The following SLC24A4 variants were observed in gnomAD, a reference collection of about 807,000 sequenced individuals.
SLC24A4 encodes the protein solute carrier family 24 member 4, also known as sodium/potassium/calcium exchanger 4.
In SLC24A4, 53 loss-of-function variants were observed where a neutral mutation model predicts 79.0. That is an observed-to-expected ratio of 0.67 (90% CI 0.54 to 0.84). SLC24A4 has a LOEUF of 0.84. Among genes scored for constraint, SLC24A4 ranks in the 40% least tolerant of loss-of-function variants. SLC24A4 has a pLI of 0.00. For synonymous variants in SLC24A4, 323 were observed against 323.8 expected, an observed-to-expected ratio of 1.00 and a Z score of 0.03; for missense variants, 731 against 822.0, an observed-to-expected ratio of 0.89 and a Z score of 1.35.
chr14:92,447,401 T>A lies in SLC24A4; in HGVS notation c.714T>A (p.Tyr238Ter). ...AAGGCCTGGTGCTCATCATCTTGTA[T>A]GTGTTTTATATTCTGATCATGAAGT... is the stretch of plus-strand genomic sequence containing the variant. The part of the protein sequence containing the change: ...WWEGLVLIIL[Y>*]VFYILIMKYN... The change falls in exon 9 of 17, where the codon TAT becomes TAA. Residue 238 changes from tyrosine to a stop codon, truncating the protein, a stop_gained. Transcript: ENST00000532405. LOFTEE classifies it high-confidence loss of function. 1 of 1,614,168 alleles carries A rather than the reference T, an allele frequency of 6.2e-7. No individual in the cohort carries two copies. The highest frequency in any genetic ancestry group is 8.5e-7 in the Non-Finnish European group (1 of 1,180,020).
intron 13 of SLC24A4, among the ~76,000 whole-genome samples, 199 bp downstream of exon 13, chr14:92,483,045 G>A (rs570695149): frequency 6.6e-6 from 1 of 152,274 alleles, no homozygotes; most frequent in African/African-American, 2.4e-5. Context: ...CAGAGACACA[G>A]CACAGTGCCT....
At chr14:92,395,066 C>T (rs960402678) in intron 2 of SLC24A4, among the ~76,000 whole-genome samples, 8 of 152,224 alleles carry the variant, frequency 5.3e-5, no homozygotes, top group African/African-American at 1.9e-4. Flanking sequence ...AGGAAAGGGT[C>T]GGAGTGGCCT....
At chr14:92,369,578 G>A (rs1157193867) in intron 2 of SLC24A4, among the ~76,000 whole-genome samples, 2 of 152,192 alleles carry the variant, frequency 1.3e-5, no homozygotes, top group East Asian at 3.8e-4. Context: ...AATAATTGGA[G>A]AAATCTTAAT....
chr14:92,380,681 G>T (rs1888794117), intron 2 of SLC24A4, among the ~76,000 whole-genome samples: 1 of 152,256 alleles, frequency 6.6e-6, no homozygotes, highest in African/African-American at 2.4e-5. Context: ...CTCCCGCCCA[G>T]GGTCACACAA....
At chr14:92,326,038 G>T in intron 2 of SLC24A4, 60 bp downstream of exon 2, 2 of 1,219,014 alleles carry the variant, frequency 1.6e-6, no homozygotes, top group South Asian at 1.3e-5. Flanking sequence ...CCTGGAGATG[G>T]CGCTTATGTG....
chr14:92,425,326 A>G (rs12432913), intron 2 of SLC24A4, among the ~76,000 whole-genome samples: 16,419 of 152,270 alleles, frequency 0.11, 933 homozygotes, highest in African/African-American at 0.14. Context: ...TTATTTCCAA[A>G]TAAGGTCAAT....
At chr14:92,399,712 C>T (rs928899000) in intron 2 of SLC24A4, among the ~76,000 whole-genome samples, 14 of 152,168 alleles carry the variant, frequency 9.2e-5, no homozygotes, top group South Asian at 4.1e-4. Context: ...TGGTAACCAG[C>T]GCATTGTCCC....
Position 92,323,668 on chromosome 14 carries a change from C to A in SLC24A4, c.-163C>A. On this transcript the variant is annotated 5_prime_UTR_variant, in exon 1 of 17. Transcript: ENST00000532405. The surrounding 1 kb of genome is among the most constrained non-coding windows in gnomAD (Gnocchi z 4.9). ...CGCGTCCCCACCTTCCCAAGGGGCT[C>A]CCCCGCCGACCTCGCCCTCGGGCCA... 1.2e-6 allele frequency: 1 copy of A among 847,382 alleles called. No homozygotes were observed. Among genetic ancestry groups the A allele is most frequent in the Non-Finnish European group, 1.7e-6 (1 of 590,072 alleles). The allele number at this position is 847,382 out of a possible 1,614,324, so 52.5% of individuals were successfully genotyped here.
chr14:92,332,085 C>T (rs1428948395), intron 2 of SLC24A4, among the ~76,000 whole-genome samples: 1 of 151,866 alleles, frequency 6.6e-6, no homozygotes, highest in Non-Finnish European at 1.5e-5. Context: ...TCGAGAACAG[C>T]CTGGCCAACA....
chr14:92,455,281 G>C (rs939397844), intron 11 of SLC24A4, among the ~76,000 whole-genome samples: 2 of 152,202 alleles, frequency 1.3e-5, no homozygotes, highest in African/African-American at 2.4e-5. Context: ...ACACCGAAAG[G>C]CTGTATGTCC....
At chr14:92,492,808 T>A in intron 16 of SLC24A4, 1 of 454,560 alleles carries the variant, frequency 2.2e-6, no homozygotes, top group Non-Finnish European at 4.4e-6. Context: ...CTTAGGGAAC[T>A]CTGACTTTTT....
At chr14:92,436,445 TATAA>T (rs1892173532) in intron 3 of SLC24A4, among the ~76,000 whole-genome samples, 2 of 152,102 alleles carry the variant, frequency 1.3e-5, no homozygotes, top group South Asian at 4.2e-4. Context: ...CAACTGTTTT[TATAA>T]ATAAAGTTTT....
At chr14:92,422,983 G>T (rs1891364758) in intron 2 of SLC24A4, among the ~76,000 whole-genome samples, 1 of 151,480 alleles carries the variant, frequency 6.6e-6, no homozygotes, top group African/African-American at 2.4e-5. Flanking sequence ...GATAATTTTT[G>T]TATTTTTTTA....
chr14:92,363,634 A>G (rs926441409), intron 2 of SLC24A4, among the ~76,000 whole-genome samples: 1 of 152,186 alleles, frequency 6.6e-6, no homozygotes, highest in African/African-American at 2.4e-5. Flanking sequence ...GATCAAGACC[A>G]TCCTGGCCAA....
At chr14:92,359,472 A>G (rs929701052) in intron 2 of SLC24A4, among the ~76,000 whole-genome samples, 4 of 151,996 alleles carry the variant, frequency 2.6e-5, no homozygotes, top group African/African-American at 9.7e-5. Context: ...GGTGGTGTGC[A>G]CCTGTAATCC....
intron 15 of SLC24A4, 122 bp from the exon 16 acceptor site, chr14:92,492,053 C>T (rs1435368349): frequency 5.7e-6 from 5 of 883,994 alleles, no homozygotes; most frequent in South Asian, 1.5e-5. Flanking sequence ...ACCATGTGGT[C>T]ACCTGTAAAC....
At chr14:92,358,507 G>A (rs957135117) in intron 2 of SLC24A4, among the ~76,000 whole-genome samples, 61 of 151,986 alleles carry the variant, frequency 4.0e-4, no homozygotes, top group African/African-American at 1.5e-3. Flanking sequence ...ATAATGTGGT[G>A]AACTCCAGGC....
intron 2 of SLC24A4, among the ~76,000 whole-genome samples, chr14:92,365,850 G>A (rs1264309374): frequency 6.6e-6 from 1 of 152,198 alleles, no homozygotes; most frequent in African/African-American, 2.4e-5. Flanking sequence ...AAGGTCGCAT[G>A]GTGTAAGTAG....
At chr14:92,444,959 ACAC>A (rs1892712063) in intron 7 of SLC24A4, among the ~76,000 whole-genome samples, 1 of 149,958 alleles carries the variant, frequency 6.7e-6, no homozygotes, top group African/African-American at 2.5e-5. Flanking sequence ...ACACACACAC[ACAC>A]ACACACACAC....
Sources: allele counts gnomAD v4.1 joint callset (sites outside exome capture counted in the v4.1 genomes callset), GRCh38; gene constraint gnomAD v4.1.1; non-coding constraint Gnocchi (gnomAD v3.1); transcripts MANE v1.5; gene names NCBI Gene and HGNC (gene_info 2026-07-23, HGNC 2026-07-21).